The following PDE4B variants were observed in gnomAD, a reference collection of about 807,000 sequenced individuals.
PDE4B encodes 3',5'-cyclic-AMP phosphodiesterase 4B.
PDE4B carries 20 observed loss-of-function variants against 82.2 expected under a neutral mutation model. That is an observed-to-expected ratio of 0.24 (90% CI 0.17 to 0.35). The LOEUF is 0.35. Ranked by LOEUF, PDE4B falls within the 10% of genes least tolerant of loss-of-function variation. The probability of loss-of-function intolerance (pLI) is 1.00; values close to 1 mark genes in which losing one functional copy is unlikely to be tolerated. For synonymous variants in PDE4B, 320 were observed against 318.9 expected (o/e 1.00, Z -0.04); for missense variants, 655 against 907.2 (o/e 0.72, Z 3.57).
rs3767311 is a variant in PDE4B at position 66,371,516 on chromosome 1, G to A, written c.1846-797G>A. Among the ~76,000 whole-genome samples, 1,767 of 152,214 alleles carry A rather than the reference G, an allele frequency of 0.012. 60 individuals are homozygous for A. In the East Asian group the frequency reaches 0.12, roughly 11 times the overall value. ...AAACCATAACAGAGCCATAAGCCTG[G>A]TATTTAATCACAGGAACATCAGCAA... On this transcript the variant is annotated intron_variant, in intron 16 of 16. Transcript: ENST00000341517.
At chr1:66,237,036 C>T (rs779732409) in intron 3 of PDE4B, among the ~76,000 whole-genome samples, 21 of 152,184 alleles carry the variant, frequency 1.4e-4, no homozygotes, top group Non-Finnish European at 1.6e-4. Flanking sequence ...GCACATTGTG[C>T]CCACTCAATA....
intron 1 of PDE4B, among the ~76,000 whole-genome samples, chr1:65,851,572 C>T (rs967172387): frequency 6.6e-6 from 1 of 151,846 alleles, no homozygotes; most frequent in Non-Finnish European, 1.5e-5. Context: ...GTTAATCATT[C>T]GTGGTTTATG....
At chr1:66,115,359 G>C (rs1050918951) in intron 3 of PDE4B, among the ~76,000 whole-genome samples, 1 of 152,166 alleles carries the variant, frequency 6.6e-6, no homozygotes, top group East Asian at 1.9e-4. Flanking sequence ...TCCCCAGATA[G>C]TTCTAATGTG....
chr1:65,982,558 G>T (rs1430149560), intron 3 of PDE4B, among the ~76,000 whole-genome samples: 2 of 152,142 alleles, frequency 1.3e-5, no homozygotes, highest in Non-Finnish European at 2.9e-5. Flanking sequence ...AACCATCTCA[G>T]CAAAAGACAG....
In PDE4B at chr1:66,038,189, C is replaced by A. The variant is rs967972717; in HGVS notation, c.281+119354C>A. Among the ~76,000 whole-genome samples the A allele has an allele frequency of 2.0e-5, 3 of 152,072 alleles. No individual in the cohort carries two copies. The East Asian group carries it at 5.8e-4, about 29-fold the overall frequency. On this transcript the variant is annotated intron_variant, in intron 3 of 16. Transcript: ENST00000341517. The stretch of plus-strand genomic sequence containing the variant: ...GTTGGACAGTCAATTATATATTTTA[C>A]AAATTGTCTAGTTAGTGTTATTTTG...
intron 3 of PDE4B, among the ~76,000 whole-genome samples, chr1:66,209,251 A>G (rs1160947361): frequency 6.6e-6 from 1 of 152,220 alleles, no homozygotes; most frequent in Non-Finnish European, 1.5e-5. Context: ...TAATCCATTC[A>G]GTTATTTATT....
At chr1:65,845,509 T>C (rs1646257665) in intron 1 of PDE4B, among the ~76,000 whole-genome samples, 2 of 151,988 alleles carry the variant, frequency 1.3e-5, no homozygotes, top group South Asian at 4.2e-4. Context: ...ATTGTAGGGG[T>C]GAGATATGGT....
chr1:66,055,247 GT>G (rs1655234970), intron 3 of PDE4B, among the ~76,000 whole-genome samples: 1 of 152,188 alleles, frequency 6.6e-6, no homozygotes, highest in Non-Finnish European at 1.5e-5. Flanking sequence ...GTGCTTAATT[GT>G]ATTGGAGGTT....
At chr1:66,083,215 C>T (rs1656831725) in intron 3 of PDE4B, among the ~76,000 whole-genome samples, 1 of 152,056 alleles carries the variant, frequency 6.6e-6, no homozygotes, top group Admixed American at 6.6e-5. Flanking sequence ...CTGCCCTGTT[C>T]AGTAACTTTA....
intron 3 of PDE4B, among the ~76,000 whole-genome samples, chr1:66,131,357 A>G (rs1453978877): frequency 2.0e-5 from 3 of 151,872 alleles, no homozygotes; most frequent in African/African-American, 7.3e-5. Flanking sequence ...TCCAATATGT[A>G]ATAAAAATTG....
intron 3 of PDE4B, among the ~76,000 whole-genome samples, chr1:66,057,112 C>A (rs78268977): frequency 0.02 from 3,072 of 152,272 alleles, 54 homozygotes; most frequent in Non-Finnish European, 0.028. Flanking sequence ...CTACCCAAGA[C>A]AAATTTATTT....
rs191805689 is a variant in PDE4B, at chr1:66,209,540, A to G, written c.282-37920A>G. ...TTTAAACCAACTCTGTTGAGGTATA[A>G]TTTAAATAAATGAAATGCACATGTT... On this transcript the variant is annotated intron_variant, in intron 3 of 16. Coordinates refer to ENST00000341517, the MANE Select transcript of PDE4B (RefSeq NM_002600.4). 4.3e-3 allele frequency among the ~76,000 whole-genome samples: 656 copies of G among 152,318 alleles called. 2 individuals are homozygous for G. Among genetic ancestry groups the G allele is most frequent in the Non-Finnish European group, 7.0e-3 (479 of 68,032 alleles).
At chr1:66,088,416 T>C (rs777122211) in intron 3 of PDE4B, among the ~76,000 whole-genome samples, 4 of 152,006 alleles carry the variant, frequency 2.6e-5, no homozygotes, top group Non-Finnish European at 5.9e-5. Flanking sequence ...GAGACATGGA[T>C]TTGGGAGCAT....
intron 1 of PDE4B, among the ~76,000 whole-genome samples, chr1:65,845,122 C>G (rs1646254017): frequency 2.0e-5 from 3 of 152,136 alleles, no homozygotes. Context: ...ATTAGAATTG[C>G]AGACAATTTT....
At chr1:65,948,930 G>T (rs55649302) in intron 3 of PDE4B, among the ~76,000 whole-genome samples, 2 of 152,014 alleles carry the variant, frequency 1.3e-5, no homozygotes, top group Admixed American at 6.6e-5. Context: ...CTGCCGTCAC[G>T]TATCTCTTTT....
intron 3 of PDE4B, among the ~76,000 whole-genome samples, chr1:66,013,086 C>G (rs1211078935): frequency 1.3e-5 from 2 of 152,136 alleles, no homozygotes; most frequent in Non-Finnish European, 2.9e-5. Flanking sequence ...TGTGCTATGA[C>G]TGAATGTGTT....
intron 1 of PDE4B, among the ~76,000 whole-genome samples, chr1:65,814,863 A>G (rs1447670923): frequency 6.6e-6 from 1 of 151,788 alleles, no homozygotes; most frequent in African/African-American, 2.4e-5. Context: ...TTTTTTTTGT[A>G]TAAGTTTTTG....
At chr1:66,281,287 C>A (rs1050708195) in intron 7 of PDE4B, among the ~76,000 whole-genome samples, 1 of 152,222 alleles carries the variant, frequency 6.6e-6, no homozygotes, top group Non-Finnish European at 1.5e-5. Context: ...TCCATCTAAT[C>A]TTTAACAGGG....
rs192003439 is a variant in PDE4B, at chr1:66,232,393, A to G, written c.282-15067A>G. ...AATGTTTTTTTGCCCTTTTGGGGAT[A>G]TACAGTGTGCTAGCCTTGTTGTCTA... is the stretch of plus-strand genomic sequence containing the variant. On this transcript the variant is annotated intron_variant, in intron 3 of 16. Transcript: ENST00000341517. Among the ~76,000 whole-genome samples, 3 of 152,312 alleles carry G rather than the reference A, an allele frequency of 2.0e-5. No homozygotes were observed. In the East Asian group the frequency reaches 5.8e-4, roughly 29 times the overall value.
Sources: gnomAD v4.1 joint callset for allele counts (sites outside exome capture counted in the v4.1 genomes callset) on GRCh38, gnomAD v4.1.1 for gene constraint, MANE v1.5 for transcripts, NCBI Gene and HGNC (gene_info 2026-07-23, HGNC 2026-07-21) for gene names.